Variants in GALNTL6 observed in about 807,000 individuals in gnomAD.
The protein encoded by GALNTL6 is polypeptide N-acetylgalactosaminyltransferase like 6.
In GALNTL6, 46 loss-of-function variants were observed where a neutral mutation model predicts 73.7. That is an observed-to-expected ratio of 0.62 (90% CI 0.49 to 0.80). GALNTL6 has a LOEUF of 0.80. GALNTL6 is among the 30% of genes least tolerant of loss of function. The pLI is 0.00. For synonymous variants in GALNTL6, 259 were observed against 263.7 expected, an observed-to-expected ratio of 0.98 and a Z score of 0.17; for missense variants, 604 against 755.0, an observed-to-expected ratio of 0.80 and a Z score of 2.34.
chr4:172,087,456 A>AAC (rs1247124748), intron 2 of GALNTL6, among the ~76,000 whole-genome samples: 5 of 145,064 alleles, frequency 3.4e-5, no homozygotes, highest in Admixed American at 2.0e-4. Context: ...AAAAAAAAAA[A>AAC]AACAAAAAAA....
intron 3 of GALNTL6, among the ~76,000 whole-genome samples, chr4:172,294,243 CTTCT>C (rs1291525491): frequency 6.6e-6 from 1 of 151,942 alleles, no homozygotes; most frequent in Non-Finnish European, 1.5e-5. Flanking sequence ...TTACCAATGG[CTTCT>C]TTATTTTCTT....
At chr4:172,932,562 G>T (rs532337726) in intron 9 of GALNTL6, among the ~76,000 whole-genome samples, 1 of 152,144 alleles carries the variant, frequency 6.6e-6, no homozygotes, top group African/African-American at 2.4e-5. Flanking sequence ...TGGAAATACA[G>T]GCTGAGTATC....
At chr4:172,860,167 G>A (rs887909151) in intron 7 of GALNTL6, among the ~76,000 whole-genome samples, 3 of 152,128 alleles carry the variant, frequency 2.0e-5, no homozygotes, top group African/African-American at 7.2e-5. Flanking sequence ...TGCTTTATAG[G>A]TTCTGTGTAT....
chr4:172,206,341 A>C (rs1736108940), intron 2 of GALNTL6, among the ~76,000 whole-genome samples: 2 of 152,168 alleles, frequency 1.3e-5, no homozygotes, highest in Non-Finnish European at 2.9e-5. Context: ...ATAAAGAAAA[A>C]GGGACACAGG....
chr4:172,206,269 G>T (rs1413965277), intron 2 of GALNTL6, among the ~76,000 whole-genome samples: 1 of 152,050 alleles, frequency 6.6e-6, no homozygotes. Flanking sequence ...CAACAATGAT[G>T]ATCTGAGAAA....
intron 8 of GALNTL6, among the ~76,000 whole-genome samples, chr4:172,924,290 A>C (rs1747936404): frequency 5.3e-5 from 8 of 151,986 alleles, no homozygotes; most frequent in Admixed American, 5.2e-4. Context: ...ACTGGCCAAA[A>C]CCTTTCTCCT....
intron 5 of GALNTL6, among the ~76,000 whole-genome samples, chr4:172,696,823 AT>A (rs1453721394): frequency 6.6e-5 from 10 of 152,236 alleles, no homozygotes; most frequent in Admixed American, 1.3e-4. Flanking sequence ...AGAGAAAAAA[AT>A]CATCACTTCT....
At position 172,586,023 on chromosome 4, in the gene GALNTL6, G is replaced by T. The variant is rs185117335; in HGVS notation, c.554-223338G>T. Reference sequence around the variant, plus strand: ...AGTCAGGAAAAATAGATGCTGGTGAGGCTATGGAGAAACACTAACACTTTT... The same window carrying T: ...AGTCAGGAAAAATAGATGCTGGTGATGCTATGGAGAAACACTAACACTTTT... On this transcript the variant is annotated intron_variant, in intron 5 of 12. Transcript: ENST00000506823. Among the ~76,000 whole-genome samples, 725 of 152,288 alleles carry T rather than the reference G, an allele frequency of 4.8e-3. 2 individuals are homozygous for T. Among genetic ancestry groups the T allele is most frequent in the Middle Eastern group, 0.01 (3 of 294 alleles).
chr4:172,156,529 C>CATATATATATAATATATATATATAT (rs1310689239), intron 2 of GALNTL6, among the ~76,000 whole-genome samples: 7 of 71,598 alleles, frequency 9.8e-5, no homozygotes, highest in South Asian at 4.2e-4. Flanking sequence ...TTTAAATATA[C>CATATATATATAATATATATATATAT]ATATATATAT....
At chr4:172,256,576 G>A (rs1481318690) in intron 3 of GALNTL6, among the ~76,000 whole-genome samples, 7 of 151,280 alleles carry the variant, frequency 4.6e-5, no homozygotes, top group Non-Finnish European at 3.0e-5. Flanking sequence ...TTCCCACTCA[G>A]AATGCTAAAT....
chr4:173,004,669 T>C (rs1278755927), intron 10 of GALNTL6, among the ~76,000 whole-genome samples: 1 of 152,114 alleles, frequency 6.6e-6, no homozygotes, highest in Admixed American at 6.6e-5. Flanking sequence ...AAATCAACTA[T>C]AGTCCATAAA....
intron 2 of GALNTL6, among the ~76,000 whole-genome samples, chr4:172,188,664 A>C (rs761289281): frequency 6.6e-6 from 1 of 152,230 alleles, no homozygotes; most frequent in Non-Finnish European, 1.5e-5. Context: ...AGATTACACT[A>C]TCTGGGAAGC....
At chr4:172,278,814 T>G (rs975953388) in intron 3 of GALNTL6, among the ~76,000 whole-genome samples, 13 of 152,144 alleles carry the variant, frequency 8.5e-5, no homozygotes, top group African/African-American at 3.1e-4. Flanking sequence ...TTTCCTAATT[T>G]CAAAACTTAT....
At chr4:172,810,540 A>T (rs1741235713) in intron 6 of GALNTL6, among the ~76,000 whole-genome samples, 1 of 152,162 alleles carries the variant, frequency 6.6e-6, no homozygotes, top group South Asian at 2.1e-4. Context: ...TTTGCTATTG[A>T]CTACTGTGTA....
intron 2 of GALNTL6, among the ~76,000 whole-genome samples, chr4:172,029,303 A>G (rs1741691675): frequency 1.3e-5 from 2 of 152,068 alleles, no homozygotes; most frequent in African/African-American, 2.4e-5. Context: ...GAAATATTTC[A>G]TTAATAATTT....
chr4:171,967,089 T>C (rs1441438074), intron 2 of GALNTL6, among the ~76,000 whole-genome samples: 1 of 152,182 alleles, frequency 6.6e-6, no homozygotes, highest in Non-Finnish European at 1.5e-5. Flanking sequence ...CAAGTATATT[T>C]CAAAATAACT....
intron 4 of GALNTL6, among the ~76,000 whole-genome samples, chr4:172,320,074 CT>C (rs1411979496): frequency 6.6e-6 from 1 of 152,088 alleles, no homozygotes; most frequent in Admixed American, 6.6e-5. Flanking sequence ...CATCCTGCTC[CT>C]TGTTTCCTGT....
intron 5 of GALNTL6, among the ~76,000 whole-genome samples, chr4:172,416,449 A>G (rs1730840778): frequency 6.6e-6 from 1 of 152,172 alleles, no homozygotes; most frequent in African/African-American, 2.4e-5. Context: ...GAAGAGATAA[A>G]CGAATACAAT....
At chr4:172,150,988 T>C (rs947233934) in intron 2 of GALNTL6, among the ~76,000 whole-genome samples, 2 of 152,164 alleles carry the variant, frequency 1.3e-5, no homozygotes, top group African/African-American at 4.8e-5. Flanking sequence ...ATTTGGCATA[T>C]GACATTAAAA....
Sources: gnomAD v4.1 joint callset for allele counts (sites outside exome capture counted in the v4.1 genomes callset) on GRCh38, gnomAD v4.1.1 for gene constraint, MANE v1.5 for transcripts, NCBI Gene and HGNC (gene_info 2026-07-23, HGNC 2026-07-21) for gene names.